LTBP1: variants seen among roughly 807,000 people sequenced by gnomAD.
LTBP1 encodes latent transforming growth factor beta binding protein 1.
A neutral mutation model predicts 207.6 loss-of-function variants in LTBP1; 129 were observed. That is an observed-to-expected ratio of 0.62 (90% CI 0.54 to 0.72). LTBP1 has a LOEUF of 0.72. LTBP1 is among the 30% of genes least tolerant of loss of function. The pLI is 0.00. For synonymous variants in LTBP1, 963 were observed against 833.7 expected (o/e 1.16, Z -2.67); for missense variants, 2,281 against 2,217.2 (o/e 1.03, Z -0.58).
chr2:33,081,738 C>T (rs1001619263), intron 3 of LTBP1, among the ~76,000 whole-genome samples: 12 of 152,118 alleles, frequency 7.9e-5, no homozygotes, highest in African/African-American at 2.7e-4. Context: ...CCATAGTCCC[C>T]ATATGTCGTG....
chr2:33,056,264 C>G (rs542213451), intron 3 of LTBP1: 1 of 500,482 alleles, frequency 2.0e-6, no homozygotes, highest in Non-Finnish European at 3.3e-6. Flanking sequence ...AAGGGTGAGC[C>G]TGTGATGCCT....
chr2:33,341,729 A>AAAAAT (rs745445793), intron 24 of LTBP1, among the ~76,000 whole-genome samples: 18 of 93,614 alleles, frequency 1.9e-4, no homozygotes, highest in African/African-American at 7.6e-4. Context: ...AAAAAAAAAA[A>AAAAAT]ATATATATAT....
intron 1 of LTBP1, 67 bp downstream of exon 1, chr2:32,947,885 G>C: frequency 8.0e-7 from 1 of 1,242,782 alleles, no homozygotes; most frequent in Non-Finnish European, 1.0e-6. Flanking sequence ...GGACCTGCGG[G>C]GTCAGGGCCA....
At chr2:32,974,023 C>T (rs943646403) in intron 2 of LTBP1, among the ~76,000 whole-genome samples, 33 of 152,138 alleles carry the variant, frequency 2.2e-4, no homozygotes, top group Non-Finnish European at 1.5e-5. Flanking sequence ...TATGTTGCTT[C>T]CAAATGTTAG....
intron 24 of LTBP1, among the ~76,000 whole-genome samples, chr2:33,318,410 A>G (rs1026058441): frequency 1.3e-5 from 2 of 152,240 alleles, no homozygotes; most frequent in Non-Finnish European, 2.9e-5. Context: ...TTCCAAGGGT[A>G]AAACATACAA....
chr2:32,955,056 C>G (rs1677860443), intron 2 of LTBP1, among the ~76,000 whole-genome samples: 1 of 152,146 alleles, frequency 6.6e-6, no homozygotes, highest in Non-Finnish European at 1.5e-5. Flanking sequence ...TTGTTAAATT[C>G]AACAAATTGA....
chr2:33,397,345 T>C, intron 33 of LTBP1, 63 bp downstream of exon 33: 1 of 1,567,658 alleles, frequency 6.4e-7, no homozygotes, highest in South Asian at 1.1e-5. Flanking sequence ...TCTCAGTCAG[T>C]AGAGAACATT....
rs749132828 is a variant in LTBP1, at chr2:32,996,766, T to G, written c.566-24143T>G. Among the ~76,000 whole-genome samples, 5 of 152,176 alleles carry G rather than the reference T, an allele frequency of 3.3e-5. No homozygotes were observed. The East Asian group carries it at 9.6e-4, about 29-fold the overall frequency. On this transcript the variant is annotated intron_variant, in intron 2 of 33. Coordinates refer to ENST00000404816, the MANE Select transcript of LTBP1 (RefSeq NM_206943.4). ...CCAGAGGTTTATGTGTAGTCCAAGGTTGACTGTCTAACTTGCAAGGGGCAG... is the reference window on the plus strand; with the variant it reads ...CCAGAGGTTTATGTGTAGTCCAAGGGTGACTGTCTAACTTGCAAGGGGCAG...
intron 5 of LTBP1, among the ~76,000 whole-genome samples, chr2:33,176,173 AT>A (rs1189823473): frequency 3.3e-5 from 5 of 152,130 alleles, no homozygotes; most frequent in African/African-American, 1.2e-4. Flanking sequence ...AAATAAAAAA[AT>A]AGAAAATAAA....
At chr2:33,230,893 CGTACTGTGGG>C (rs559883417) in intron 9 of LTBP1, among the ~76,000 whole-genome samples, 133 of 51,536 alleles carry the variant, frequency 2.6e-3, no homozygotes, top group African/African-American at 4.9e-3. Flanking sequence ...ATTTTTGGCA[CGTACTGTGGG>C]CAATACCACA....
intron 26 of LTBP1, among the ~76,000 whole-genome samples, chr2:33,349,525 G>C (rs1306653225): frequency 6.6e-6 from 1 of 151,890 alleles, no homozygotes; most frequent in Non-Finnish European, 1.5e-5. Context: ...TTCATTTGTG[G>C]AGTTTGTGTG....
At chr2:33,074,174 G>A (rs192907781) in intron 3 of LTBP1, among the ~76,000 whole-genome samples, 259 of 152,284 alleles carry the variant, frequency 1.7e-3, no homozygotes, top group African/African-American at 6.0e-3. Flanking sequence ...TAGATTTAAC[G>A]TATATGTTGT....
At chr2:33,123,209 C>A (rs550669506) in intron 4 of LTBP1, among the ~76,000 whole-genome samples, 4 of 152,194 alleles carry the variant, frequency 2.6e-5, no homozygotes, top group Non-Finnish European at 1.5e-5. Context: ...TTACTAGGAC[C>A]TGATGGTATT....
At chr2:33,078,708 T>C (rs1392276621) in intron 3 of LTBP1, among the ~76,000 whole-genome samples, 1 of 152,176 alleles carries the variant, frequency 6.6e-6, no homozygotes, top group Non-Finnish European at 1.5e-5. Flanking sequence ...ATATTTGTCT[T>C]TAAAAGTAGA....
chr2:33,136,626 C>T (rs2082165025), intron 5 of LTBP1, among the ~76,000 whole-genome samples: 1 of 152,088 alleles, frequency 6.6e-6, no homozygotes, highest in Non-Finnish European at 1.5e-5. Flanking sequence ...CTGCTCCTTT[C>T]CCTCCTTGTG....
intron 22 of LTBP1, among the ~76,000 whole-genome samples, chr2:33,308,715 T>G (rs2094136490): frequency 6.6e-6 from 1 of 152,196 alleles, no homozygotes; most frequent in African/African-American, 2.4e-5. Flanking sequence ...TATCATTTGT[T>G]TATTTTATTG....
intron 2 of LTBP1, among the ~76,000 whole-genome samples, chr2:32,997,148 G>A (rs1198101745): frequency 6.6e-6 from 1 of 152,064 alleles, no homozygotes; most frequent in Admixed American, 6.5e-5. Flanking sequence ...GCCTCCCAAG[G>A]TGCTGGGATT....
At chr2:33,318,670 T>G (rs1324321357) in intron 24 of LTBP1, among the ~76,000 whole-genome samples, 3 of 152,172 alleles carry the variant, frequency 2.0e-5, no homozygotes, top group Non-Finnish European at 2.9e-5. Flanking sequence ...TTCCCTTTCC[T>G]CTCTCAGTTA....
intron 22 of LTBP1, among the ~76,000 whole-genome samples, chr2:33,308,405 C>T (rs985579368): frequency 6.6e-6 from 1 of 152,180 alleles, no homozygotes; most frequent in Non-Finnish European, 1.5e-5. Flanking sequence ...GTTACAGCTG[C>T]TGAATAAGTG....
Sources: allele counts gnomAD v4.1 joint callset (sites outside exome capture counted in the v4.1 genomes callset), GRCh38; gene constraint gnomAD v4.1.1; transcripts MANE v1.5; gene names NCBI Gene and HGNC (gene_info 2026-07-23, HGNC 2026-07-21).